The following PIK3R4 variants were observed in gnomAD, a reference collection of about 807,000 sequenced individuals.
PIK3R4 encodes phosphoinositide 3-kinase regulatory subunit 4.
PIK3R4 carries 46 observed loss-of-function variants against 136.5 expected under a neutral mutation model. The observed-to-expected ratio is 0.34, with a 90% CI of 0.27 to 0.43. The LOEUF (loss-of-function observed/expected upper bound fraction) is 0.43. PIK3R4 is among the 20% of genes least tolerant of loss of function. The probability of loss-of-function intolerance (pLI) is 1.00; values close to 1 mark genes in which losing one functional copy is unlikely to be tolerated. For missense variants in PIK3R4, 1,331 were observed against 1,649.5 expected (o/e 0.81, Z 3.35); for synonymous variants, 557 against 566.7 (o/e 0.98, Z 0.24).
intron 13 of PIK3R4, among the ~76,000 whole-genome samples, chr3:130,697,129 G>A (rs1182297897): frequency 8.0e-6 from 1 of 125,010 alleles, no homozygotes; most frequent in Non-Finnish European, 1.6e-5. Context: ...GCAGTGCAGT[G>A]GCAAATCTCA....
At chr3:130,708,144 T>C (rs893616682) in intron 10 of PIK3R4, 147 bp downstream of exon 10, 58 of 633,478 alleles carry the variant, frequency 9.2e-5, no homozygotes, top group Non-Finnish European at 1.3e-4. Flanking sequence ...TTCCCCAAAA[T>C]CTCCCTGCTA....
In PIK3R4 at chr3:130,708,374, C is replaced by T. The variant is rs2066617138; in HGVS notation, c.2450G>A (p.Gly817Asp). 6.2e-7 allele frequency: 1 copy of T among 1,613,606 alleles called. No homozygotes were observed. Among genetic ancestry groups the T allele is most frequent in the South Asian group, 1.1e-5 (1 of 91,076 alleles). ...QSHLHDSSQK[G>D]VIDLAALGIT... ...GCCTAAAGCTGCCAAGTCAATTACA[C>T]CTTTCTGACTACTATCATGAAGATG... The change falls in exon 10 of 20, where the codon GGT (glycine) becomes GAT (aspartate). Residue 817 changes from glycine (G) to aspartate (D), a missense_variant. By Grantham distance (94) the Gly-to-Asp change is moderately conservative. Transcript: ENST00000356763.
intron 4 of PIK3R4, 69 bp from the exon 5 acceptor site, chr3:130,730,511 C>T (rs942979798): frequency 8.8e-6 from 10 of 1,139,184 alleles, no homozygotes; most frequent in Non-Finnish European, 1.2e-5. Context: ...TTAACTTTTC[C>T]TCCCTGTCTT....
intron 13 of PIK3R4, among the ~76,000 whole-genome samples, chr3:130,696,764 T>C (rs1023813956): frequency 6.6e-6 from 1 of 152,130 alleles, no homozygotes; most frequent in Non-Finnish European, 1.5e-5. Context: ...TTAAATCTGG[T>C]TGGTTTGTAG....
intron 11 of PIK3R4, among the ~76,000 whole-genome samples, chr3:130,706,321 C>T (rs925160553): frequency 1.3e-5 from 2 of 152,184 alleles, no homozygotes; most frequent in Non-Finnish European, 1.5e-5. Flanking sequence ...CTTACATTAG[C>T]CAACAGTTGG....
intron 9 of PIK3R4, among the ~76,000 whole-genome samples, chr3:130,709,866 C>A (rs2107609737): frequency 6.6e-6 from 1 of 152,120 alleles, no homozygotes; most frequent in South Asian, 2.1e-4. Context: ...TTGCCAGGGG[C>A]TAAGGGAAAG....
Position 130,703,883 on chromosome 3 carries a change from G to T in PIK3R4, c.2938C>A (p.Arg980Ser). 1 of 1,606,762 alleles carries T rather than the reference G, an allele frequency of 6.2e-7. No homozygotes were observed. Among genetic ancestry groups the T allele is most frequent in the Non-Finnish European group, 8.5e-7 (1 of 1,175,036 alleles). ...TGGGCAACTAACAGCCCTTTAGGACGCCATCCTAAGGAAAAGCAAAGGAGT... is the reference window on the plus strand; with the variant it reads ...TGGGCAACTAACAGCCCTTTAGGACTCCATCCTAAGGAAAAGCAAAGGAGT... ...WESKPPPPGW[R>S]PKGLLVAHLH... The change falls in exon 13 of 20, where the codon CGT (arginine) becomes AGT (serine). Residue 980 changes from arginine to serine, a missense_variant. Arg to Ser is a moderately radical substitution (Grantham distance 110, BLOSUM62 -1). Coordinates refer to ENST00000356763, the MANE Select transcript of PIK3R4 (RefSeq NM_014602.3).
rs2066678766 is a variant in PIK3R4 at position 130,718,409 on chromosome 3, T to C, written c.2107A>G (p.Ile703Val). Reference protein sequence around the residue: ...CKLMPYLDPYITQPIIQIERK... With the variant: ...CKLMPYLDPYVTQPIIQIERK... ...TATACCTGTATTATTGGTTGGGTAATATATGGGTCAAGATAAGGCATCAGT... is the reference window on the plus strand; with the variant it reads ...TATACCTGTATTATTGGTTGGGTAACATATGGGTCAAGATAAGGCATCAGT... The change falls in exon 8 of 20, where the codon ATT (isoleucine) becomes GTT (valine). Residue 703 changes from isoleucine to valine, a missense_variant. This residue lies in a region of PIK3R4 where 1,180 missense variants were observed against 1,407.0 expected (regional missense o/e 0.84). Coordinates refer to ENST00000356763, the MANE Select transcript of PIK3R4 (RefSeq NM_014602.3). The C allele has an allele frequency of 1.2e-6, 2 of 1,613,600 alleles. No homozygotes were observed. Among genetic ancestry groups the C allele is most frequent in the Non-Finnish European group, 1.7e-6 (2 of 1,179,678 alleles).
intron 16 of PIK3R4, among the ~76,000 whole-genome samples, chr3:130,681,847 A>ACTT (rs2066460662): frequency 6.6e-6 from 1 of 152,138 alleles, no homozygotes; most frequent in African/African-American, 2.4e-5. Context: ...GTTTCATGGA[A>ACTT]CTTCCATTTT....
At chr3:130,717,549 C>T (rs2066672519) in intron 8 of PIK3R4, among the ~76,000 whole-genome samples, 1 of 141,084 alleles carries the variant, frequency 7.1e-6, no homozygotes, top group African/African-American at 2.9e-5. Context: ...AAAAAAAAAT[C>T]CTACAAACTC....
At chr3:130,707,218 T>C (rs1198370452) in intron 10 of PIK3R4, 83 bp from the exon 11 acceptor site, 2 of 858,976 alleles carry the variant, frequency 2.3e-6, no homozygotes, top group African/African-American at 1.7e-5. Context: ...GAGGGGACAG[T>C]AGAGGAGGCA....
chr3:130,732,885 G>T (rs182135761), intron 4 of PIK3R4, among the ~76,000 whole-genome samples: 21 of 150,958 alleles, frequency 1.4e-4, no homozygotes, highest in Admixed American at 9.2e-4. Context: ...TTATATTATA[G>T]AAATAAATTA....
chr3:130,687,776 CTT>C (rs1394800591), intron 14 of PIK3R4, among the ~76,000 whole-genome samples: 1 of 152,182 alleles, frequency 6.6e-6, no homozygotes, highest in African/African-American at 2.4e-5. Flanking sequence ...CATGTTAGCT[CTT>C]GTGCCCTTTC....
Position 130,679,380 on chromosome 3 carries a change from A to C in PIK3R4, c.4012T>G (p.Phe1338Val). Residue 1338 changes from phenylalanine (F) to valine (V), a missense_variant, in exon 20 of 20, where the codon TTC (phenylalanine) becomes GTC (valine). By Grantham distance (50) the Phe-to-Val change is conservative (BLOSUM62 -1). Transcript: ENST00000356763. The stretch of plus-strand genomic sequence containing the variant: ...ACGATGAAGCCCTGTGTGGTCTGGA[A>C]TGTGGCGACATCAGTGATGATGTCA... Reference protein sequence around the residue: ...HHDIITDVATFQTTQGFIVTA... With the variant: ...HHDIITDVATVQTTQGFIVTA... The C allele has an allele frequency of 2.5e-6, 4 of 1,613,562 alleles. No individual in the cohort carries two copies. The highest frequency in any genetic ancestry group is 3.4e-6 in the Non-Finnish European group (4 of 1,179,520).
intron 6 of PIK3R4, among the ~76,000 whole-genome samples, chr3:130,726,130 C>T (rs965280176): frequency 2.6e-5 from 4 of 151,174 alleles, no homozygotes; most frequent in African/African-American, 7.3e-5. Context: ...ATATTTATAC[C>T]AAATATATAG....
At chr3:130,680,225 GAA>G (rs2066449486) in intron 19 of PIK3R4, among the ~76,000 whole-genome samples, 1 of 152,154 alleles carries the variant, frequency 6.6e-6, no homozygotes, top group South Asian at 2.1e-4. Context: ...ATTCTCACTT[GAA>G]GTTTTTGCCT....
chr3:130,721,822 T>C (rs947545076), intron 7 of PIK3R4, among the ~76,000 whole-genome samples: 2 of 152,140 alleles, frequency 1.3e-5, no homozygotes, highest in Admixed American at 1.3e-4. Context: ...TTGTACAGTA[T>C]GTGCAAGTAC....
rs755038462 is a variant in PIK3R4, at chr3:130,681,506, T to C, written c.3693A>G (p.Pro1231=). Residue 1231 remains proline, a synonymous_variant, in exon 17 of 20, where the codon CCA becomes CCG. Transcript: ENST00000356763. ...RFTLWASSAP[P]LSELQPSPHS... ...GAAGTCAAACCTGTAATTCAGAAAG[T>C]GGTGGTGCACTGCTGGCCCAGAGAG... 6.2e-7 allele frequency: 1 copy of C among 1,602,516 alleles called. No individual in the cohort carries two copies. The highest frequency in any genetic ancestry group is 1.7e-5 in the Admixed American group (1 of 59,968).
At chr3:130,722,750 A>G (rs146460708) in intron 7 of PIK3R4, among the ~76,000 whole-genome samples, 253 of 151,888 alleles carry the variant, frequency 1.7e-3, no homozygotes, top group African/African-American at 5.8e-3. Context: ...TACCCACATC[A>G]TGGTTTTTTT....
Sources: allele counts gnomAD v4.1 joint callset (sites outside exome capture counted in the v4.1 genomes callset), GRCh38; gene constraint gnomAD v4.1.1; regional missense constraint gnomAD v4.1.1; transcripts MANE v1.5; gene names NCBI Gene and HGNC (gene_info 2026-07-23, HGNC 2026-07-21).